C17orf75: variants seen among roughly 807,000 people sequenced by gnomAD.
C17orf75 encodes the protein chromosome 17 open reading frame 75, also known as protein Njmu-R1.
C17orf75 carries 32 observed loss-of-function variants against 49.6 expected under a neutral mutation model. That is an observed-to-expected ratio of 0.65 (90% CI 0.49 to 0.87). The LOEUF (loss-of-function observed/expected upper bound fraction) is 0.87. Ranked by LOEUF, C17orf75 falls within the 40% of genes least tolerant of loss-of-function variation. The pLI is 0.00. For missense variants in C17orf75, 428 were observed against 473.9 expected, an observed-to-expected ratio of 0.90 and a Z score of 0.90; for synonymous variants, 158 against 159.5, an observed-to-expected ratio of 0.99 and a Z score of 0.07.
intron 1 of C17orf75, among the ~76,000 whole-genome samples, chr17:32,349,058 G>T (rs960556352): frequency 4.0e-5 from 6 of 151,588 alleles, no homozygotes; most frequent in Non-Finnish European, 7.4e-5. Flanking sequence ...TAGAGACAGG[G>T]TTTCACCATG....
At chr17:32,344,590 C>CAAA (rs35084298), upstream of C17orf75, among the ~76,000 whole-genome samples, 10 of 82,098 alleles carry the variant, frequency 1.2e-4, no homozygotes, top group African/African-American at 4.6e-4. Flanking sequence ...GACTCTGTCT[C>CAAA]AAAAAAAAAA....
At chr17:32,346,511 C>T (rs1274248640), upstream of C17orf75, among the ~76,000 whole-genome samples, 1 of 152,216 alleles carries the variant, frequency 6.6e-6, no homozygotes, top group Non-Finnish European at 1.5e-5. Context: ...CTCAGCCTCC[C>T]AAGGTACTGG....
upstream of C17orf75, among the ~76,000 whole-genome samples, chr17:32,346,762 AG>A (rs772888170): frequency 4.7e-4 from 72 of 152,230 alleles, 1 homozygote; most frequent in Admixed American, 1.2e-3. Context: ...TAGCAGAGAC[AG>A]GGTTTCACCA....
At chr17:32,348,990 C>A (rs768488345) in intron 1 of C17orf75, among the ~76,000 whole-genome samples, 34 of 151,546 alleles carry the variant, frequency 2.2e-4, no homozygotes, top group Admixed American at 9.2e-4. Flanking sequence ...CTCATTCTCC[C>A]GAGTAGCTGA....
At chr17:32,347,478 C>T (rs1483666336) in intron 1 of C17orf75, among the ~76,000 whole-genome samples, 1 of 151,474 alleles carries the variant, frequency 6.6e-6, no homozygotes, top group Non-Finnish European at 1.5e-5. Flanking sequence ...GACAGGGTTT[C>T]ATCATGTTGG....
chr17:32,345,809 G>A (rs1458307980), upstream of C17orf75, among the ~76,000 whole-genome samples: 2 of 152,010 alleles, frequency 1.3e-5, no homozygotes, highest in Admixed American at 6.6e-5. Flanking sequence ...GCTTCCCAAA[G>A]TGCTGGGATT....
chr17:32,335,305 T>C lies in C17orf75; in HGVS notation c.669+18A>G, dbSNP rs894503243. On this transcript the variant is annotated intron_variant, in intron 6 of 9. Coordinates refer to ENST00000577809, the MANE Select transcript of C17orf75 (RefSeq NM_022344.4). The stretch of plus-strand genomic sequence containing the variant: ...GTGATTCTCAGTTAAGGAAATGCTC[T>C]CATTTGGCAGTACTTACAGCATGTA... 1.2e-6 allele frequency: 2 copies of C among 1,611,570 alleles called. No homozygotes were observed. The highest frequency in any genetic ancestry group is 1.3e-5 in the African/African-American group (1 of 74,796).
chr17:32,342,361 T>A, upstream of C17orf75: 1 of 603,302 alleles, frequency 1.7e-6, no homozygotes, highest in Non-Finnish European at 2.4e-6. Flanking sequence ...TTTTACCATT[T>A]ATTTTGAACT....
intron 9 of C17orf75, 64 bp from the exon 10 acceptor site, chr17:32,332,042 C>A (rs1400399332): frequency 7.4e-7 from 1 of 1,346,538 alleles, no homozygotes; most frequent in African/African-American, 1.5e-5. Context: ...CAAAAAATAA[C>A]TCCTATCCAG....
At chr17:32,335,288 C>T (rs1487107258) in intron 6 of C17orf75, 35 bp downstream of exon 6, 7 of 1,608,868 alleles carry the variant, frequency 4.4e-6, no homozygotes, top group Non-Finnish European at 5.9e-6. Flanking sequence ...AAGTGATTCT[C>T]AGTTAAGGAA....
upstream of C17orf75, chr17:32,343,979 T>C (rs1597740102): frequency 1.5e-6 from 1 of 683,498 alleles, no homozygotes; most frequent in East Asian, 2.7e-5. Flanking sequence ...GGGGTTCATA[T>C]ACAAATTGTG....
At chr17:32,337,851 C>T (rs762890119) in intron 5 of C17orf75, 46 bp downstream of exon 5, 3 of 1,547,724 alleles carry the variant, frequency 1.9e-6, no homozygotes, top group Non-Finnish European at 2.6e-6. Context: ...GCCACTGAGC[C>T]TGGCCCCATT....
intron 8 of C17orf75, 29 bp from the exon 9 acceptor site, chr17:32,333,549 A>G: frequency 6.5e-7 from 1 of 1,534,062 alleles, no homozygotes. Context: ...AGACTAAATA[A>G]AATGAAATTT....
At chr17:32,341,898 G>C (rs901297301) in intron 1 of C17orf75, 102 bp downstream of exon 1, 36 of 1,104,382 alleles carry the variant, frequency 3.3e-5, no homozygotes, top group Non-Finnish European at 3.7e-5. Context: ...TTTTAGGAGC[G>C]GCCGGGCCGC....
chr17:32,348,370 TTG>T (rs2041443988), intron 1 of C17orf75, among the ~76,000 whole-genome samples: 1 of 152,028 alleles, frequency 6.6e-6, no homozygotes, highest in African/African-American at 2.4e-5. Context: ...CACACATACT[TTG>T]TGTTTTGGGG....
rs140072767 is a variant in C17orf75 at position 32,340,018 on chromosome 17, C to T, written c.222-80G>A. 2,044 of 1,529,480 alleles carry T rather than the reference C, an allele frequency of 1.3e-3. 22 individuals are homozygous for T. The highest frequency in any genetic ancestry group is 9.8e-4 in the East Asian group (43 of 44,034). 94.7% of individuals were successfully genotyped at this position (1,529,480 alleles called of 1,614,324 possible). A position where few individuals can be genotyped will look rare whatever the true frequency, so the allele number is the denominator to read the frequency against. On this transcript the variant is annotated intron_variant, in intron 2 of 9. Coordinates refer to ENST00000577809, the MANE Select transcript of C17orf75 (RefSeq NM_022344.4). ...ATTAAGTCAGACAGAATGGTACCAA[C>T]GCCAGGGGCTCTTTTAAGGACTGGG...
chr17:32,349,183 T>TA (rs1292524594), intron 1 of C17orf75, among the ~76,000 whole-genome samples: 1 of 152,106 alleles, frequency 6.6e-6, no homozygotes, highest in Non-Finnish European at 1.5e-5. Flanking sequence ...GCTCCAGTCT[T>TA]ACCACGATTA....
chr17:32,334,042 G>A, intron 8 of C17orf75, among the ~76,000 whole-genome samples: 1 of 151,990 alleles, frequency 6.6e-6, no homozygotes, highest in East Asian at 1.9e-4. Context: ...TTCTTTTATG[G>A]CTATTTCACT....
At chr17:32,346,310 C>G (rs1025386973), upstream of C17orf75, among the ~76,000 whole-genome samples, 7 of 152,140 alleles carry the variant, frequency 4.6e-5, no homozygotes, top group East Asian at 7.7e-4. Context: ...GTCCCTGCTA[C>G]TCCGTGGGCT....
Sources: gnomAD v4.1 joint callset for allele counts (sites outside exome capture counted in the v4.1 genomes callset) on GRCh38, gnomAD v4.1.1 for gene constraint, MANE v1.5 for transcripts, NCBI Gene and HGNC (gene_info 2026-07-23, HGNC 2026-07-21) for gene names.